MARCHF6: variants seen among roughly 807,000 people sequenced by gnomAD.
MARCHF6 encodes membrane associated ring-CH-type finger 6.
MARCHF6 carries 31 observed loss-of-function variants against 133.7 expected under a neutral mutation model. The ratio of observed to expected loss-of-function variants is 0.23; its 90% CI spans 0.17 to 0.31. The LOEUF (loss-of-function observed/expected upper bound fraction) is 0.31, where lower values mean the gene tolerates loss of function less well. Ranked by LOEUF, MARCHF6 falls within the 10% of genes least tolerant of loss-of-function variation. The pLI is 1.00. For missense variants in MARCHF6, 723 were observed against 1,121.6 expected (o/e 0.64, Z 5.08); for synonymous variants, 395 against 402.5 (o/e 0.98, Z 0.22).
chr5:10,425,532 C>T (rs1387177570), intron 23 of MARCHF6, among the ~76,000 whole-genome samples: 28 of 152,180 alleles, frequency 1.8e-4, no homozygotes. Flanking sequence ...ACTGGGATGC[C>T]TTGCTTCATT....
At chr5:10,377,290 G>A (rs1400668158) in intron 1 of MARCHF6, among the ~76,000 whole-genome samples, 1 of 152,192 alleles carries the variant, frequency 6.6e-6, no homozygotes, top group Non-Finnish European at 1.5e-5. Flanking sequence ...GTGTATGTGT[G>A]TGTGTTTCTG....
At chr5:10,400,700 T>C in intron 10 of MARCHF6, 84 bp from the exon 11 acceptor site, 1 of 954,194 alleles carries the variant, frequency 1.0e-6, no homozygotes. Context: ...CAAGAAGCCC[T>C]AGTTCCTTTT....
intron 4 of MARCHF6, among the ~76,000 whole-genome samples, chr5:10,386,019 G>A (rs1417258880): frequency 6.6e-6 from 1 of 151,052 alleles, no homozygotes; most frequent in African/African-American, 2.4e-5. Context: ...TGAGTGTTGT[G>A]CTGTCTTATT....
rs1452632483 is a variant in MARCHF6 at position 10,434,779 on chromosome 5, CAA to C, written c.*1097_*1098del. The C allele has an allele frequency of 1.3e-5, 2 of 152,538 alleles. No homozygotes were observed. Among genetic ancestry groups the C allele is most frequent in the Non-Finnish European group, 2.9e-5 (2 of 68,032 alleles). The allele number at this position is 152,538 out of a possible 1,614,324, so 9.4% of individuals were successfully genotyped here. On this transcript the variant is annotated 3_prime_UTR_variant, in exon 26 of 26. Transcript: ENST00000274140. ...CTCCTAGCTTTTCATCAGGAAATCC[CAA>C]AGTTTCCAAAGCTTTTTGTTTACAG...
At chr5:10,388,675 T>C (rs968172884) in intron 5 of MARCHF6, among the ~76,000 whole-genome samples, 1 of 152,130 alleles carries the variant, frequency 6.6e-6, no homozygotes, top group Non-Finnish European at 1.5e-5. Flanking sequence ...TGGCCTCTTA[T>C]CTTCTAAAAG....
intron 7 of MARCHF6, among the ~76,000 whole-genome samples, chr5:10,393,199 G>A (rs1737980436): frequency 6.6e-6 from 1 of 152,092 alleles, no homozygotes; most frequent in African/African-American, 2.4e-5. Flanking sequence ...CCAAGTAGCT[G>A]GGACCACAGA....
intron 1 of MARCHF6, among the ~76,000 whole-genome samples, chr5:10,355,954 ATTTTG>A (rs1214263645): frequency 1.3e-5 from 2 of 152,136 alleles, no homozygotes; most frequent in Non-Finnish European, 2.9e-5. Context: ...ATTTTGCTTT[ATTTTG>A]TTTTATGAAA....
At chr5:10,389,715 C>A (rs1737705375) in intron 5 of MARCHF6, among the ~76,000 whole-genome samples, 1 of 152,190 alleles carries the variant, frequency 6.6e-6, no homozygotes, top group South Asian at 2.1e-4. Flanking sequence ...TGACAAACTT[C>A]TATAAAATTT....
At chr5:10,425,569 G>A (rs1740041192) in intron 23 of MARCHF6, among the ~76,000 whole-genome samples, 1 of 152,234 alleles carries the variant, frequency 6.6e-6, no homozygotes, top group African/African-American at 2.4e-5. Context: ...GGTTAACTAG[G>A]TGTCTTTGGG....
chr5:10,400,808 A>T lies in MARCHF6; in HGVS notation c.938A>T (p.His313Leu), dbSNP rs759302081. The change falls in exon 11 of 26, where the codon CAT becomes CTT. Residue 313 changes from histidine (H) to leucine (L), a missense_variant. This residue lies in a region of MARCHF6 where 43 missense variants were observed against 97.9 expected (regional missense o/e 0.44). Coordinates refer to ENST00000274140, the MANE Select transcript of MARCHF6 (RefSeq NM_005885.4). ...VFAFCPYHIGHFSLVGLGFEE... is the reference protein window; with the variant it reads ...VFAFCPYHIGLFSLVGLGFEE... ...GCATTTTGCCCTTACCATATTGGTC[A>T]TTTCTCCCTTGTTGGTTTGGGATTT... The T allele has an allele frequency of 1.9e-6, 3 of 1,612,992 alleles. No individual in the cohort carries two copies. The South Asian group carries it at 3.3e-5, about 18-fold the overall frequency.
chr5:10,407,102 A>C lies in MARCHF6; in HGVS notation c.1453A>C (p.Ile485Leu). 6.3e-7 allele frequency: 1 copy of C among 1,592,698 alleles called. No homozygotes were observed. The highest frequency in any genetic ancestry group is 1.1e-5 in the South Asian group (1 of 90,422). ...RHLRRFILSVIVFGSIVLLML... is the reference protein window; with the variant it reads ...RHLRRFILSVLVFGSIVLLML... ...TGTCATACCCTGTTTCCTTCTGCAG[A>C]TTGTCTTTGGCTCCATTGTCCTCCT... The change falls in exon 17 of 26, where the codon ATT becomes CTT. Residue 485 changes from isoleucine (I) to leucine (L), a missense_variant and splice_region_variant. Around this residue, in one of 4 missense-constraint regions of MARCHF6, gnomAD observed 492 missense variants for 699.5 expected, o/e 0.70. Coordinates refer to ENST00000274140, the MANE Select transcript of MARCHF6 (RefSeq NM_005885.4).
intron 1 of MARCHF6, among the ~76,000 whole-genome samples, chr5:10,371,141 G>A (rs1382324737): frequency 6.6e-6 from 1 of 152,170 alleles, no homozygotes; most frequent in African/African-American, 2.4e-5. Context: ...TTTCCAGCCA[G>A]TTTTCTGAAA....
chr5:10,410,923 TAAG>T (rs1272402105), intron 18 of MARCHF6, among the ~76,000 whole-genome samples: 3 of 152,220 alleles, frequency 2.0e-5, no homozygotes, highest in South Asian at 2.1e-4. Flanking sequence ...GTAGAGAAGA[TAAG>T]AAGTTTTTCT....
At chr5:10,428,591 C>G (rs571214382) in intron 24 of MARCHF6, among the ~76,000 whole-genome samples, 1 of 152,130 alleles carries the variant, frequency 6.6e-6, no homozygotes, top group African/African-American at 2.4e-5. Context: ...ATCCACCCCC[C>G]TCGGCCGCCC....
chr5:10,415,737 A>ATT, intron 21 of MARCHF6, 68 bp downstream of exon 21: 1 of 1,408,780 alleles, frequency 7.1e-7, no homozygotes, highest in Non-Finnish European at 9.5e-7. Flanking sequence ...AGTCATCTTA[A>ATT]ATTTTTTTTT....
Position 10,353,960 on chromosome 5 carries a change from C to G in MARCHF6, c.19+43C>G, listed in dbSNP as rs560370992. On this transcript the variant is annotated intron_variant, in intron 1 of 25. Coordinates refer to ENST00000274140, the MANE Select transcript of MARCHF6 (RefSeq NM_005885.4). ...GGCGCCCGAGCCCTTGCGTCGGCGC[C>G]CGGGTTCGTACCCCGGCCAGGTCCG... 130 of 1,529,078 alleles carry G rather than the reference C, an allele frequency of 8.5e-5. No homozygotes were observed. The South Asian group carries it at 1.1e-3, about 13-fold the overall frequency. The allele number at this position is 1,529,078 out of a possible 1,614,324, so 94.7% of individuals were successfully genotyped here.
At position 10,435,697 on chromosome 5, in the gene MARCHF6, ATTTTTTTTTTTTTT is replaced by A. The variant is rs60984668; in HGVS notation, c.*2031_*2044del. 1 of 5,872 alleles carries A rather than the reference ATTTTTTTTTTTTTT, an allele frequency of 1.7e-4. No individual in the cohort carries two copies. Among genetic ancestry groups the A allele is most frequent in the African/African-American group, 5.3e-4 (1 of 1,880 alleles). The allele number at this position is 5,872 out of a possible 1,614,324, so 0.4% of individuals were successfully genotyped here. ...TATATATATATATATATATATATATATTTTTTTTTTTTTTTTTTTTTTTTTTTTTTTGCCCCCGA... is the reference window on the plus strand; with the variant it reads ...TATATATATATATATATATATATATATTTTTTTTTTTTTTTTTGCCCCCGA... On this transcript the variant is annotated 3_prime_UTR_variant, in exon 26 of 26. Coordinates refer to ENST00000274140, the MANE Select transcript of MARCHF6 (RefSeq NM_005885.4).
At chr5:10,372,335 G>T (rs1216033115) in intron 1 of MARCHF6, among the ~76,000 whole-genome samples, 1 of 151,996 alleles carries the variant, frequency 6.6e-6, no homozygotes, top group South Asian at 2.1e-4. Context: ...ATGAAATGTG[G>T]TCATTTCAGT....
intron 1 of MARCHF6, among the ~76,000 whole-genome samples, chr5:10,361,693 A>G (rs1398008461): frequency 6.6e-6 from 1 of 152,194 alleles, no homozygotes; most frequent in Non-Finnish European, 1.5e-5. Flanking sequence ...CATGATAGAC[A>G]TGAATTCTTG....
Sources: allele counts gnomAD v4.1 joint callset (sites outside exome capture counted in the v4.1 genomes callset), GRCh38; gene constraint gnomAD v4.1.1; regional missense constraint gnomAD v4.1.1; transcripts MANE v1.5; gene names NCBI Gene and HGNC (gene_info 2026-07-23, HGNC 2026-07-21).